Variants in GFOD2 observed in about 807,000 individuals in gnomAD.
GFOD2 encodes the protein Gfo/Idh/MocA-like oxidoreductase domain containing 2, also known as glucose-fructose oxidoreductase domain-containing protein 2.
A neutral mutation model predicts 24.6 loss-of-function variants in GFOD2; 9 were observed. The observed-to-expected ratio is 0.37, with a 90% confidence interval of 0.22 to 0.64. GFOD2 has a LOEUF of 0.64. Among genes scored for constraint, GFOD2 ranks in the 30% least tolerant of loss-of-function variants. The pLI is 0.65. For synonymous variants in GFOD2, 211 were observed against 224.8 expected, an observed-to-expected ratio of 0.94 and a Z score of 0.55; for missense variants, 476 against 532.5, an observed-to-expected ratio of 0.89 and a Z score of 1.04.
At chr16:67,695,052 G>A (rs1019843575) in intron 1 of GFOD2, among the ~76,000 whole-genome samples, 1 of 147,228 alleles carries the variant, frequency 6.8e-6, no homozygotes, top group East Asian at 2.0e-4. Flanking sequence ...GAGCGTAATG[G>A]TGCAATCTCG....
Position 67,675,738 on chromosome 16 carries a change from C to T in GFOD2, c.575G>A (p.Arg192Gln), listed in dbSNP as rs759058464. 4.5e-5 allele frequency: 73 copies of T among 1,613,956 alleles called. No homozygotes were observed. The highest frequency in any genetic ancestry group is 5.6e-5 in the Non-Finnish European group (66 of 1,180,034). ...CAGCCCGTGCACCTTCTCGGCTCTC[C>T]GGCCGGTCAGGTGGGTCAGCAGGTC... The part of the protein sequence containing the change: ...IVDLLTHLTG[R>Q]RAEKVHGLLK... The change falls in exon 3 of 3, where the codon CGG becomes CAG. Residue 192 changes from arginine (R) to glutamine (Q), a missense_variant. Transcript: ENST00000268797.
intron 1 of GFOD2, among the ~76,000 whole-genome samples, chr16:67,707,498 C>A (rs757146393): frequency 6.6e-6 from 1 of 151,860 alleles, no homozygotes; most frequent in Non-Finnish European, 1.5e-5. Flanking sequence ...AAACATATAT[C>A]AACCCAATCA....
rs201023676 is a variant in GFOD2, at chr16:67,675,387, T to C, written c.926A>G (p.Tyr309Cys). 8.7e-6 allele frequency: 14 copies of C among 1,613,466 alleles called. No homozygotes were observed. In the Admixed American group the frequency reaches 1.5e-4, roughly 17 times the overall value. Residue 309 changes from tyrosine to cysteine, a missense_variant, in exon 3 of 3, where the codon TAC becomes TGC. Physicochemically the swap from Tyr to Cys is radical, Grantham distance 194. Coordinates refer to ENST00000268797, the MANE Select transcript of GFOD2 (RefSeq NM_030819.4). ...GGACTGGCGCAAGGCCTGCACCATG[T>C]AGACCATGCCCTTCAGGTACAGCAG... ...VPLLYLKGMV[Y>C]MVQALRQSFQ...
intron 2 of GFOD2, chr16:67,682,643 GTAT>G (rs2053236137): frequency 3.0e-6 from 3 of 985,336 alleles, no homozygotes; most frequent in Non-Finnish European, 3.6e-6. Flanking sequence ...GATATGAAAA[GTAT>G]TATCTCTGGA....
chr16:67,701,676 G>T (rs1400475153), intron 1 of GFOD2, among the ~76,000 whole-genome samples: 3 of 151,878 alleles, frequency 2.0e-5, no homozygotes, highest in Non-Finnish European at 4.4e-5. Flanking sequence ...TGTCTAGGGT[G>T]GCAATTACAT....
At chr16:67,681,955 T>TG in intron 2 of GFOD2, 1 of 886,704 alleles carries the variant, frequency 1.1e-6, no homozygotes, top group South Asian at 5.2e-5. Flanking sequence ...CAAAGTAGGA[T>TG]GATTGCCTGA....
At position 67,681,047 on chromosome 16, in the gene GFOD2, T is replaced by G. The variant is rs898791884; in HGVS notation, c.259+4410A>C. On this transcript the variant is annotated intron_variant, in intron 2 of 2. Transcript: ENST00000268797. ...CTAGCACTACTGCTTCTGGAGGGTC[T>G]CCAGTGCTTCTCCACACTTGTGGGC... is the stretch of plus-strand genomic sequence containing the variant. 9 of 985,370 alleles carry G rather than the reference T, an allele frequency of 9.1e-6. No individual in the cohort carries two copies. The African/African-American group carries it at 1.6e-4, about 17-fold the overall frequency. The allele number at this position is 985,370 out of a possible 1,614,324, so 61.0% of individuals were successfully genotyped here.
intron 2 of GFOD2, chr16:67,681,270 T>C (rs1253656212): frequency 2.0e-6 from 2 of 985,264 alleles, no homozygotes; most frequent in South Asian, 4.7e-5. Flanking sequence ...GATACTGCAG[T>C]GTGAGGCAGA....
In GFOD2 at chr16:67,675,268, C is replaced by A; in HGVS notation, c.1045G>T (p.Asp349Tyr). The A allele has an allele frequency of 1.2e-6, 2 of 1,612,956 alleles. No individual in the cohort carries two copies. Among genetic ancestry groups the A allele is most frequent in the Non-Finnish European group, 1.7e-6 (2 of 1,180,016 alleles). The change falls in exon 3 of 3, where the codon GAT (aspartate) becomes TAT (tyrosine). Residue 349 changes from aspartate (D) to tyrosine (Y), a missense_variant. Physicochemically the swap from Asp to Tyr is radical, Grantham distance 160. Coordinates refer to ENST00000268797, the MANE Select transcript of GFOD2 (RefSeq NM_030819.4). The stretch of plus-strand genomic sequence containing the variant: ...GATCGGCTCGACCTCTTGATGGCAT[C>A]CACCACGCTCTGCATGTACAGCCCA... ...EDGLYMQSVV[D>Y]AIKRSSRSGE... is the part of the protein sequence containing the mutation.
intron 1 of GFOD2, among the ~76,000 whole-genome samples, chr16:67,709,484 T>G (rs2053458801): frequency 6.6e-6 from 1 of 152,142 alleles, no homozygotes; most frequent in African/African-American, 2.4e-5. Context: ...ATATAGTTTC[T>G]GCTTGCAAAG....
intron 1 of GFOD2, among the ~76,000 whole-genome samples, chr16:67,705,492 G>C (rs1425146551): frequency 6.6e-6 from 1 of 152,200 alleles, no homozygotes; most frequent in Non-Finnish European, 1.5e-5. Context: ...ACAGGCGTGA[G>C]CCACTGTGCC....
intron 1 of GFOD2, among the ~76,000 whole-genome samples, 199 bp from the exon 2 acceptor site, chr16:67,686,001 G>C (rs957102126): frequency 6.6e-6 from 1 of 152,182 alleles, no homozygotes; most frequent in African/African-American, 2.4e-5. Context: ...AGGCATGGTG[G>C]CTCATGCATG....
chr16:67,681,490 C>A (rs1325885515), intron 2 of GFOD2: 4 of 820,784 alleles, frequency 4.9e-6, no homozygotes, highest in Non-Finnish European at 5.9e-6. Context: ...CTCATTGCAA[C>A]CTCCGCTTCC....
intron 1 of GFOD2, among the ~76,000 whole-genome samples, chr16:67,709,573 T>C (rs1323482882): frequency 2.0e-5 from 3 of 152,094 alleles, no homozygotes; most frequent in South Asian, 2.1e-4. Flanking sequence ...TTAAATGCTA[T>C]AAAGGAAAAG....
intron 1 of GFOD2, among the ~76,000 whole-genome samples, chr16:67,704,851 T>C (rs776185364): frequency 6.6e-6 from 1 of 152,264 alleles, no homozygotes; most frequent in Non-Finnish European, 1.5e-5. Context: ...TGTTCTTGCA[T>C]AGTTCTGAGG....
rs1414794695 is a variant in GFOD2 at position 67,685,756 on chromosome 16, C to A, written c.-41G>T. On this transcript the variant is annotated 5_prime_UTR_variant, in exon 2 of 3. The change creates a new upstream start codon in the 5' untranslated region. Transcript: ENST00000268797. Reference sequence around the variant, plus strand: ...TACCAACTCATCTCCTCACAAGAGCCTCTGGCATGGATATGATCTTCCAAA... The same window carrying A: ...TACCAACTCATCTCCTCACAAGAGCATCTGGCATGGATATGATCTTCCAAA... The A allele has an allele frequency of 3.2e-6, 5 of 1,585,048 alleles. No homozygotes were observed. In the South Asian group the frequency reaches 5.7e-5, roughly 18 times the overall value.
chr16:67,679,896 A>AC (rs1292433959), intron 2 of GFOD2, among the ~76,000 whole-genome samples: 23 of 151,780 alleles, frequency 1.5e-4, no homozygotes, highest in African/African-American at 5.1e-4. Context: ...CAAAAAAAAA[A>AC]AAACAACAAC....
rs564805607 is a variant in GFOD2 at position 67,675,295 on chromosome 16, C to T, written c.1018G>A (p.Asp340Asn). Residue 340 changes from aspartate (D) to asparagine (N), a missense_variant, in exon 3 of 3, where the codon GAT becomes AAT. Asp to Asn is a conservative substitution (Grantham distance 23). Transcript: ENST00000268797. ...TPVSMAASFE[D>N]GLYMQSVVDA... ...ACCACGCTCTGCATGTACAGCCCAT[C>T]CTCGAAGGAGGCGGCCATGGAGACA... 1 of 1,612,924 alleles carries T rather than the reference C, an allele frequency of 6.2e-7. No individual in the cohort carries two copies. Among genetic ancestry groups the T allele is most frequent in the Non-Finnish European group, 8.5e-7 (1 of 1,180,016 alleles).
intron 2 of GFOD2, chr16:67,681,615 G>C (rs2053225802): frequency 1.6e-6 from 1 of 608,340 alleles, no homozygotes; most frequent in Admixed American, 6.3e-5. Flanking sequence ...TCATCATGTT[G>C]CTCAGGCTGG....
Sources: gnomAD v4.1 joint callset for allele counts (sites outside exome capture counted in the v4.1 genomes callset) on GRCh38, gnomAD v4.1.1 for gene constraint, MANE v1.5 for transcripts, NCBI Gene and HGNC (gene_info 2026-07-23, HGNC 2026-07-21) for gene names.